The following GNAL variants were observed in gnomAD, a reference collection of about 807,000 sequenced individuals.
The protein encoded by GNAL is G protein subunit alpha L.
In GNAL, 18 loss-of-function variants were observed where a neutral mutation model predicts 55.1. That is an observed-to-expected ratio of 0.33 (90% CI 0.23 to 0.48). The LOEUF (loss-of-function observed/expected upper bound fraction) is 0.48. Among genes scored for constraint, GNAL ranks in the 20% least tolerant of loss-of-function variants. GNAL has a pLI of 0.99. For synonymous variants in GNAL, 253 were observed against 237.0 expected, an observed-to-expected ratio of 1.07 and a Z score of -0.62; for missense variants, 412 against 614.1, an observed-to-expected ratio of 0.67 and a Z score of 3.48.
At chr18:11,847,866 C>T (rs2035773390) in intron 5 of GNAL, among the ~76,000 whole-genome samples, 1 of 152,090 alleles carries the variant, frequency 6.6e-6, no homozygotes, top group Non-Finnish European at 1.5e-5. Context: ...AGAAAGCATA[C>T]CAAGCTGAAA....
At chr18:11,849,234 G>A (rs1239923655) in intron 5 of GNAL, among the ~76,000 whole-genome samples, 3 of 152,216 alleles carry the variant, frequency 2.0e-5, no homozygotes, top group Non-Finnish European at 4.4e-5. Context: ...GGGCACGGTG[G>A]CCCACGCCTA....
chr18:11,803,669 CA>C (rs2034578356), intron 4 of GNAL, among the ~76,000 whole-genome samples: 2 of 151,314 alleles, frequency 1.3e-5, no homozygotes, highest in Admixed American at 6.6e-5. Flanking sequence ...AGTACAGGTG[CA>C]GTTTGGATGG....
chr18:11,857,021 G>C (rs1410206384), intron 5 of GNAL: 1 of 152,154 alleles, frequency 6.6e-6, no homozygotes, highest in African/African-American at 2.4e-5. Flanking sequence ...ATGCCATGTG[G>C]GGCTTCTTTC....
intron 1 of GNAL, among the ~76,000 whole-genome samples, chr18:11,713,504 T>G (rs1461942068): frequency 1.3e-5 from 2 of 152,222 alleles, no homozygotes; most frequent in Admixed American, 1.3e-4. Flanking sequence ...GGTTATTGTT[T>G]GGCTTCCTGG....
intron 4 of GNAL, among the ~76,000 whole-genome samples, chr18:11,769,750 C>T (rs2033575315): frequency 1.3e-5 from 2 of 152,098 alleles, no homozygotes. Flanking sequence ...CAGTCATTTC[C>T]ATTTCCATTT....
intron 4 of GNAL, among the ~76,000 whole-genome samples, chr18:11,784,503 T>C (rs2034005001): frequency 6.6e-6 from 1 of 152,242 alleles, no homozygotes; most frequent in Admixed American, 6.5e-5. Context: ...TGAAGCCTAT[T>C]CTTGATGCCT....
chr18:11,875,700 C>G (rs1238234960), intron 10 of GNAL, among the ~76,000 whole-genome samples: 1 of 152,186 alleles, frequency 6.6e-6, no homozygotes, highest in Admixed American at 6.5e-5. Context: ...ATCGTGCTTC[C>G]CGTACAGCCT....
chr18:11,877,340 A>G (rs2143921053), intron 11 of GNAL, among the ~76,000 whole-genome samples: 1 of 152,296 alleles, frequency 6.6e-6, no homozygotes, highest in East Asian at 1.9e-4. Context: ...CTGTAATCCC[A>G]GCTACTCTGG....
rs184143864 is a variant in GNAL at position 11,819,041 on chromosome 18, G to A, written c.625-5877G>A. ...GGCCTGACCCCACAGCCGCCAGACA[G>A]ACGGCACCACACTCACGTCAAGTGA... On this transcript the variant is annotated intron_variant, in intron 4 of 11. Coordinates refer to ENST00000334049, the MANE Select transcript of GNAL (RefSeq NM_182978.4). 2.7e-3 allele frequency among the ~76,000 whole-genome samples: 404 copies of A among 151,054 alleles called. 1 individual carries two copies. Among genetic ancestry groups the A allele is most frequent in the Middle Eastern group, 0.01 (3 of 294 alleles).
intron 4 of GNAL, among the ~76,000 whole-genome samples, chr18:11,784,543 T>C (rs141543559): frequency 1.3e-5 from 2 of 152,270 alleles, no homozygotes; most frequent in African/African-American, 2.4e-5. Flanking sequence ...TGATTATGTA[T>C]TGCTTGAGCA....
At chr18:11,859,469 T>C (rs1049279249) in intron 5 of GNAL, among the ~76,000 whole-genome samples, 2 of 152,202 alleles carry the variant, frequency 1.3e-5, no homozygotes, top group East Asian at 3.8e-4. Context: ...CAAAACTGCA[T>C]TGTACTTTCC....
chr18:11,794,903 C>T (rs1178072976), intron 4 of GNAL, among the ~76,000 whole-genome samples: 1 of 151,972 alleles, frequency 6.6e-6, no homozygotes, highest in Non-Finnish European at 1.5e-5. Flanking sequence ...AGTGCAGTGG[C>T]GCGATCTTAG....
At chr18:11,800,321 G>C (rs2034491125) in intron 4 of GNAL, among the ~76,000 whole-genome samples, 1 of 152,176 alleles carries the variant, frequency 6.6e-6, no homozygotes, top group African/African-American at 2.4e-5. Flanking sequence ...CACCCCTGCA[G>C]TGAGGGCAGA....
At chr18:11,755,321 C>T (rs566969728) in intron 4 of GNAL, among the ~76,000 whole-genome samples, 113 of 152,302 alleles carry the variant, frequency 7.4e-4, no homozygotes, top group Non-Finnish European at 1.6e-3. Flanking sequence ...TCTCTGTCGT[C>T]CAGGCTGGAG....
rs540074497 is a variant in GNAL at position 11,748,412 on chromosome 18, A to G, written c.377-4441A>G. ...GGGCAAATACCAAGTAAATTGTTCC[A>G]TGGAAAGGATTTAACCCAGTGCCAG... is the stretch of plus-strand genomic sequence containing the variant. On this transcript the variant is annotated intron_variant, in intron 1 of 11. Coordinates refer to ENST00000334049, the MANE Select transcript of GNAL (RefSeq NM_182978.4). Among the ~76,000 whole-genome samples, 168 of 152,316 alleles carry G rather than the reference A, an allele frequency of 1.1e-3. 1 individual carries two copies. The highest frequency in any genetic ancestry group is 2.2e-3 in the Non-Finnish European group (151 of 68,024).
intron 4 of GNAL, among the ~76,000 whole-genome samples, chr18:11,755,028 G>A (rs202157192): frequency 7.3e-6 from 1 of 136,600 alleles, no homozygotes; most frequent in African/African-American, 2.6e-5. Context: ...GTGTGTGTGT[G>A]TATGTGTATT....
intron 4 of GNAL, among the ~76,000 whole-genome samples, chr18:11,789,639 A>G (rs2034173333): frequency 6.6e-6 from 1 of 152,222 alleles, no homozygotes; most frequent in South Asian, 2.1e-4. Flanking sequence ...CTTTAAGTGG[A>G]TTGTTCTAAT....
At chr18:11,753,565 C>T in intron 2 of GNAL, 63 bp from the exon 3 acceptor site, 2 of 1,049,022 alleles carry the variant, frequency 1.9e-6, no homozygotes, top group Non-Finnish European at 3.0e-6. Context: ...TAAAATCCCA[C>T]TCAATTGATT....
At chr18:11,831,101 T>G (rs1487381034) in intron 5 of GNAL, among the ~76,000 whole-genome samples, 1 of 152,116 alleles carries the variant, frequency 6.6e-6, no homozygotes, top group Non-Finnish European at 1.5e-5. Context: ...ACCATGGAAT[T>G]GCATACATCA....
Sources: allele counts gnomAD v4.1 joint callset (sites outside exome capture counted in the v4.1 genomes callset), GRCh38; gene constraint gnomAD v4.1.1; transcripts MANE v1.5; gene names NCBI Gene and HGNC (gene_info 2026-07-23, HGNC 2026-07-21).